PTPRD: variants seen among roughly 807,000 people sequenced by gnomAD.
PTPRD encodes the protein receptor-type tyrosine-protein phosphatase delta.
In PTPRD, 34 loss-of-function variants were observed where a neutral mutation model predicts 214.5. The ratio of observed to expected loss-of-function variants is 0.16; its 90% CI spans 0.12 to 0.21. The LOEUF is 0.21. Among genes scored for constraint, PTPRD ranks in the 10% least tolerant of loss-of-function variants. The pLI is 1.00. For synonymous variants in PTPRD, 1,128 were observed against 845.7 expected, an observed-to-expected ratio of 1.33 and a Z score of -5.79; for missense variants, 2,545 against 2,398.7, an observed-to-expected ratio of 1.06 and a Z score of -1.27.
intron 11 of PTPRD, among the ~76,000 whole-genome samples, chr9:8,961,759 C>A (rs1342297435): frequency 6.6e-6 from 1 of 152,100 alleles, no homozygotes; most frequent in Non-Finnish European, 1.5e-5. Context: ...GATGTAAAGA[C>A]ATCTGCATAT....
At chr9:9,237,246 C>T (rs1011509482) in intron 9 of PTPRD, among the ~76,000 whole-genome samples, 6 of 152,052 alleles carry the variant, frequency 3.9e-5, no homozygotes, top group African/African-American at 1.4e-4. Context: ...ATTCAGGCTG[C>T]AAATTAATTA....
chr9:9,632,395 G>C (rs575127717), intron 7 of PTPRD, among the ~76,000 whole-genome samples: 3 of 152,234 alleles, frequency 2.0e-5, no homozygotes, highest in East Asian at 1.9e-4. Context: ...ACTATTGATA[G>C]CCAGAGTTGG....
In PTPRD at chr9:8,406,306, C is replaced by T. The variant is rs10977055; in HGVS notation, c.4087-1646G>A. On this transcript the variant is annotated intron_variant, in intron 35 of 45. Coordinates refer to ENST00000381196, the MANE Select transcript of PTPRD (RefSeq NM_002839.4). ...AACCTTGAACCATGTCCACACAGAA[C>T]AGCTCCACTCAGTGATGAGGGCCTG... 3.3e-3 allele frequency among the ~76,000 whole-genome samples: 496 copies of T among 152,312 alleles called. 2 individuals carry two copies. Among genetic ancestry groups the T allele is most frequent in the Non-Finnish European group, 5.0e-3 (342 of 68,028 alleles).
intron 2 of PTPRD, among the ~76,000 whole-genome samples, chr9:10,597,630 C>T (rs953886062): frequency 6.6e-6 from 1 of 151,778 alleles, no homozygotes; most frequent in African/African-American, 2.4e-5. Context: ...TGCACTTCAA[C>T]AGCAGGTTCT....
chr9:8,910,942 A>G (rs191584311), intron 11 of PTPRD, among the ~76,000 whole-genome samples: 9 of 152,340 alleles, frequency 5.9e-5, no homozygotes, highest in Admixed American at 5.2e-4. Context: ...GCTGAAAGAT[A>G]TTAAGAACAT....
rs765493379 is a variant in PTPRD, at chr9:9,109,801, C to G, written c.-143+73503G>C. Among the ~76,000 whole-genome samples, 14 of 152,064 alleles carry G rather than the reference C, an allele frequency of 9.2e-5. No individual in the cohort carries two copies. The Middle Eastern group carries it at 0.01, about 111-fold the overall frequency. ...ACATTTATTTTCTTTTTGATTCTGC[C>G]TAGATATGGTGGCCTTCTTGGTCTG... is the stretch of plus-strand genomic sequence containing the variant. On this transcript the variant is annotated intron_variant, in intron 10 of 45. Coordinates refer to ENST00000381196, the MANE Select transcript of PTPRD (RefSeq NM_002839.4).
Position 8,341,789 on chromosome 9 carries a change from A to G in PTPRD, c.4851T>C (p.Asn1617=). ...ACAAGTTTCTAGCTGGCACTTCGGT[A>G]TTTCCACAAGTCACTGCTTCTAACA... The part of the protein sequence containing the change: ...DALLEAVTCG[N]TEVPARNLYA... Residue 1617 remains asparagine (N), a synonymous_variant, in exon 40 of 46, where the codon AAT becomes AAC. Transcript: ENST00000381196. 1 of 1,613,582 alleles carries G rather than the reference A, an allele frequency of 6.2e-7. No individual in the cohort carries two copies. Among genetic ancestry groups the G allele is most frequent in the Non-Finnish European group, 8.5e-7 (1 of 1,179,724 alleles).
intron 2 of PTPRD, among the ~76,000 whole-genome samples, chr9:10,512,716 A>G (rs887074204): frequency 2.0e-5 from 3 of 152,106 alleles, no homozygotes; most frequent in African/African-American, 7.2e-5. Context: ...GACTTTGGTG[A>G]GGTTTTGGAG....
chr9:10,499,566 G>C (rs528089949), intron 2 of PTPRD, among the ~76,000 whole-genome samples: 2 of 151,912 alleles, frequency 1.3e-5, no homozygotes, highest in South Asian at 4.1e-4. Context: ...TTAAATGTGT[G>C]TGATTAATCA....
chr9:10,177,241 G>C (rs1433657306), intron 3 of PTPRD, among the ~76,000 whole-genome samples: 1 of 151,834 alleles, frequency 6.6e-6, no homozygotes, highest in Non-Finnish European at 1.5e-5. Flanking sequence ...GGTGAGTAAG[G>C]AGCCAATGTT....
intron 5 of PTPRD, among the ~76,000 whole-genome samples, chr9:9,872,116 C>T (rs2065622216): frequency 6.6e-6 from 1 of 152,116 alleles, no homozygotes; most frequent in Non-Finnish European, 1.5e-5. Context: ...TCATCAGTTT[C>T]ATCTTGCACT....
At chr9:10,253,422 A>G (rs2092966784) in intron 3 of PTPRD, among the ~76,000 whole-genome samples, 1 of 152,212 alleles carries the variant, frequency 6.6e-6, no homozygotes, top group African/African-American at 2.4e-5. Context: ...TGCAGTAGCT[A>G]AATTGCCCAG....
At chr9:9,235,793 C>T (rs892063852) in intron 9 of PTPRD, among the ~76,000 whole-genome samples, 5 of 152,110 alleles carry the variant, frequency 3.3e-5, no homozygotes, top group Non-Finnish European at 7.4e-5. Flanking sequence ...TTTCCAAATT[C>T]AGATTAACAT....
chr9:10,323,038 G>A (rs2154428775), intron 3 of PTPRD, among the ~76,000 whole-genome samples: 1 of 152,024 alleles, frequency 6.6e-6, no homozygotes, highest in African/African-American at 2.4e-5. Context: ...ACAAGCTATT[G>A]AAGAAACTAT....
chr9:10,520,540 G>A (rs10756053), intron 2 of PTPRD, among the ~76,000 whole-genome samples: 36,580 of 152,068 alleles, frequency 0.24, 5,521 homozygotes, highest in Non-Finnish European at 0.34. Context: ...TAATGGAATT[G>A]GCTACACTCA....
At chr9:8,723,026 T>C (rs557094259) in intron 12 of PTPRD, among the ~76,000 whole-genome samples, 2 of 152,324 alleles carry the variant, frequency 1.3e-5, no homozygotes, top group South Asian at 2.1e-4. Context: ...TAGAGAACAG[T>C]AGTACCTAAT....
chr9:8,973,268 C>G (rs917021439), intron 11 of PTPRD, among the ~76,000 whole-genome samples: 1 of 151,902 alleles, frequency 6.6e-6, no homozygotes, highest in African/African-American at 2.4e-5. Flanking sequence ...ATATTTATGT[C>G]CCTGCGCGCT....
At chr9:9,192,202 G>A (rs2099935660) in intron 9 of PTPRD, among the ~76,000 whole-genome samples, 1 of 151,542 alleles carries the variant, frequency 6.6e-6, no homozygotes, top group Admixed American at 6.6e-5. Flanking sequence ...GAGAGTTAAT[G>A]TTAAATTTTA....
At chr9:9,556,295 T>G (rs958441724) in intron 8 of PTPRD, among the ~76,000 whole-genome samples, 3 of 151,978 alleles carry the variant, frequency 2.0e-5, no homozygotes, top group Non-Finnish European at 4.4e-5. Flanking sequence ...ACTGAGTAAG[T>G]TGAAGAAAGG....
Sources: gnomAD v4.1 joint callset for allele counts (sites outside exome capture counted in the v4.1 genomes callset) on GRCh38, gnomAD v4.1.1 for gene constraint, MANE v1.5 for transcripts, NCBI Gene and HGNC (gene_info 2026-07-23, HGNC 2026-07-21) for gene names.